The following SV2B variants were observed in gnomAD, a reference collection of about 807,000 sequenced individuals.
SV2B encodes the protein solute carrier family 22 member B2.
A neutral mutation model predicts 73.9 loss-of-function variants in SV2B; 41 were observed. That is an observed-to-expected ratio of 0.56 (90% CI 0.43 to 0.72). SV2B has a LOEUF of 0.72. Among genes scored for constraint, SV2B ranks in the 30% least tolerant of loss-of-function variants. The probability of loss-of-function intolerance (pLI) is 0.00; values close to 1 mark genes in which losing one functional copy is unlikely to be tolerated. For synonymous variants in SV2B, 314 were observed against 314.2 expected, an observed-to-expected ratio of 1.00 and a Z score of 0.01; for missense variants, 764 against 857.8, an observed-to-expected ratio of 0.89 and a Z score of 1.37.
rs1018540566 is a variant in SV2B, at chr15:91,231,990, G to A, written c.451+5276G>A. On this transcript the variant is annotated intron_variant, in intron 2 of 12. Transcript: ENST00000394232. The surrounding 1 kb of genome is among the most constrained non-coding windows in gnomAD (Gnocchi z 4.5). ...AGCTCAGAGATAGATATATTACTCT[G>A]CTGTCGTGAAAGATTATCTTGTGAT... is the stretch of plus-strand genomic sequence containing the variant. Among the ~76,000 whole-genome samples, 1 of 152,166 alleles carries A rather than the reference G, an allele frequency of 6.6e-6. No homozygotes were observed. Among genetic ancestry groups the A allele is most frequent in the African/African-American group, 2.4e-5 (1 of 41,436 alleles).
At chr15:91,104,626 C>A (rs969261213) in intron 1 of SV2B, among the ~76,000 whole-genome samples, 2 of 152,078 alleles carry the variant, frequency 1.3e-5, no homozygotes, top group Non-Finnish European at 2.9e-5. Flanking sequence ...ACCATAGGGA[C>A]CTGAATATTT....
At chr15:91,270,902 GGT>G (rs1341224575) in intron 9 of SV2B, among the ~76,000 whole-genome samples, 1 of 140,692 alleles carries the variant, frequency 7.1e-6, no homozygotes, top group African/African-American at 2.8e-5. Context: ...ATGGGAGGAC[GGT>G]GAGTCCTGTG....
chr15:91,236,849 G>A lies in SV2B; in HGVS notation c.451+10135G>A, dbSNP rs138110459. On this transcript the variant is annotated intron_variant, in intron 2 of 12. Coordinates refer to ENST00000394232, the MANE Select transcript of SV2B (RefSeq NM_001323032.3). This position sits in a 1 kb window ranked among gnomAD's most constrained non-coding sequence, Gnocchi z 4.1. ...ATATCTGGTACCCAAACTGGAAGAC[G>A]CAGATGGCTGGGGCTTCTTTTGAGC... 6.6e-6 allele frequency among the ~76,000 whole-genome samples: 1 copy of A among 152,150 alleles called. No individual in the cohort carries two copies. The highest frequency in any genetic ancestry group is 1.5e-5 in the Non-Finnish European group (1 of 67,996).
rs559710463 is a variant in SV2B, at chr15:91,249,982, G to A, written c.452-1837G>A. On this transcript the variant is annotated intron_variant, in intron 2 of 12. Transcript: ENST00000394232. ...CTTTCTCAAACTCTTCCAGAAAATT[G>A]AAGGTGAAGGAATATTTACAAACTC... Among the ~76,000 whole-genome samples the A allele has an allele frequency of 5.1e-4, 78 of 152,278 alleles. 1 individual carries two copies. The South Asian group carries it at 0.015, about 28-fold the overall frequency.
intron 2 of SV2B, among the ~76,000 whole-genome samples, chr15:91,238,815 G>A (rs529177340): frequency 6.6e-5 from 10 of 152,274 alleles, no homozygotes; most frequent in African/African-American, 2.4e-4. Flanking sequence ...GAGATGATCC[G>A]TCACTAAGTA....
chr15:91,233,430 CTG>C (rs575178972), intron 2 of SV2B, among the ~76,000 whole-genome samples: 51 of 152,308 alleles, frequency 3.3e-4, no homozygotes, highest in Non-Finnish European at 6.3e-4. Flanking sequence ...TTGAAAGCTT[CTG>C]TGTTTCCCTT....
chr15:91,211,287 G>T (rs1162425859), intron 1 of SV2B, among the ~76,000 whole-genome samples: 1 of 152,192 alleles, frequency 6.6e-6, no homozygotes, highest in Non-Finnish European at 1.5e-5. Flanking sequence ...AAAGCTAGAA[G>T]TGTCAGCAGG....
intron 1 of SV2B, among the ~76,000 whole-genome samples, chr15:91,213,721 A>T (rs2141435568): frequency 6.6e-6 from 1 of 152,324 alleles, no homozygotes; most frequent in Non-Finnish European, 1.5e-5. Flanking sequence ...TTTAGTAAAG[A>T]TACTATACCA....
At chr15:91,260,555 C>A (rs1002272116) in intron 6 of SV2B, 146 bp downstream of exon 6, 1 of 605,790 alleles carries the variant, frequency 1.7e-6, no homozygotes, top group Non-Finnish European at 2.7e-6. Context: ...AATAATTATT[C>A]TTCACATTTT....
intron 1 of SV2B, among the ~76,000 whole-genome samples, chr15:91,182,992 A>G (rs556162552): frequency 6.6e-6 from 1 of 152,336 alleles, no homozygotes; most frequent in East Asian, 1.9e-4. Flanking sequence ...GCCAGGAGCC[A>G]AGACAGGGCT....
intron 1 of SV2B, among the ~76,000 whole-genome samples, chr15:91,216,329 C>A (rs1393214210): frequency 6.6e-6 from 1 of 152,138 alleles, no homozygotes; most frequent in Non-Finnish European, 1.5e-5. Flanking sequence ...TCGGTAGAAC[C>A]ACTGCACCCC....
chr15:91,283,139 C>T lies in SV2B; in HGVS notation c.1508-882C>T, dbSNP rs975651578. On this transcript the variant is annotated intron_variant, in intron 10 of 12. Transcript: ENST00000394232. This position sits in a 1 kb window ranked among gnomAD's most constrained non-coding sequence, Gnocchi z 4.3. The stretch of plus-strand genomic sequence containing the variant: ...TCAGCAGCAGGGCCAGCTCCCCAAA[C>T]GCAGGTTTCTAGGGAGCCTGTTTAG... 1.3e-5 allele frequency among the ~76,000 whole-genome samples: 2 copies of T among 152,184 alleles called. No homozygotes were observed. Among genetic ancestry groups the T allele is most frequent in the East Asian group, 1.9e-4 (1 of 5,202 alleles).
intron 9 of SV2B, among the ~76,000 whole-genome samples, chr15:91,277,533 A>T (rs1284364974): frequency 1.3e-5 from 2 of 151,908 alleles, no homozygotes; most frequent in Admixed American, 1.3e-4. Flanking sequence ...GATCTTCTTT[A>T]TGTTACTTAC....
chr15:91,104,868 A>C (rs1002102988), intron 1 of SV2B, among the ~76,000 whole-genome samples: 22 of 152,050 alleles, frequency 1.4e-4, no homozygotes, highest in Non-Finnish European at 2.6e-4. Context: ...CTGACCTCAG[A>C]TGATCTGCCC....
intron 1 of SV2B, among the ~76,000 whole-genome samples, chr15:91,191,063 CTTTTTTTTTTTT>C: frequency 1.6e-5 from 1 of 64,244 alleles, no homozygotes; most frequent in Admixed American, 2.0e-4. Flanking sequence ...TTTGGTGTTT[CTTTTTTTTTTTT>C]TTTTTTTTTG....
At chr15:91,145,403 G>T (rs1339576173) in intron 1 of SV2B, among the ~76,000 whole-genome samples, 1 of 152,118 alleles carries the variant, frequency 6.6e-6, no homozygotes, top group Non-Finnish European at 1.5e-5. Flanking sequence ...TAGACATTTA[G>T]GTTGATTCCA....
At position 91,289,950 on chromosome 15, in the gene SV2B, T is replaced by C. The variant is rs1050677677; in HGVS notation, c.1868+270T>C. ...AGGAGAAGGAAATAAGAGTGAAAAGTTGGTAAAACCATATGTGTCATGTAA... is the reference window on the plus strand; with the variant it reads ...AGGAGAAGGAAATAAGAGTGAAAAGCTGGTAAAACCATATGTGTCATGTAA... On this transcript the variant is annotated intron_variant, in intron 12 of 12. Coordinates refer to ENST00000394232, the MANE Select transcript of SV2B (RefSeq NM_001323032.3). The surrounding 1 kb of genome is among the most constrained non-coding windows in gnomAD (Gnocchi z 4.9). 6.6e-6 allele frequency among the ~76,000 whole-genome samples: 1 copy of C among 152,140 alleles called. No homozygotes were observed. The highest frequency in any genetic ancestry group is 1.9e-4 in the East Asian group (1 of 5,188).
chr15:91,282,053 T>G (rs553326344), intron 10 of SV2B, among the ~76,000 whole-genome samples, 192 bp downstream of exon 10: 1 of 152,384 alleles, frequency 6.6e-6, no homozygotes, highest in South Asian at 2.1e-4. Context: ...TGCTAAGGCA[T>G]TTAATGTATC....
At chr15:91,279,886 G>A (rs2048629415) in intron 9 of SV2B, among the ~76,000 whole-genome samples, 1 of 152,162 alleles carries the variant, frequency 6.6e-6, no homozygotes, top group South Asian at 2.1e-4. Context: ...TTTTCCCATG[G>A]AAATCTGAAG....
Sources: allele counts gnomAD v4.1 joint callset (sites outside exome capture counted in the v4.1 genomes callset), GRCh38; gene constraint gnomAD v4.1.1; non-coding constraint Gnocchi (gnomAD v3.1); transcripts MANE v1.5; gene names NCBI Gene and HGNC (gene_info 2026-07-23, HGNC 2026-07-21).